Variants in NCAM2 observed in about 807,000 individuals in gnomAD.
NCAM2 encodes the protein neural cell adhesion molecule 2.
A neutral mutation model predicts 98.1 loss-of-function variants in NCAM2; 30 were observed. That is an observed-to-expected ratio of 0.31 (90% confidence interval 0.23 to 0.41). NCAM2 has a LOEUF of 0.41. NCAM2 is among the 10% of genes least tolerant of loss of function. The pLI is 1.00. For synonymous variants in NCAM2, 368 were observed against 342.4 expected (o/e 1.07, Z -0.83); for missense variants, 867 against 1,005.8 (o/e 0.86, Z 1.87).
chr21:21,371,793 G>T (rs558974288), intron 8 of NCAM2, among the ~76,000 whole-genome samples: 2 of 151,540 alleles, frequency 1.3e-5, no homozygotes, highest in East Asian at 3.9e-4. Context: ...TGCCACCAAG[G>T]GTAGAAACTA....
chr21:21,240,475 G>C (rs1003483418), intron 1 of NCAM2, among the ~76,000 whole-genome samples: 1 of 152,054 alleles, frequency 6.6e-6, no homozygotes, highest in Non-Finnish European at 1.5e-5. Flanking sequence ...CAAAGGGAAG[G>C]CTACGTCAGT....
At chr21:21,403,854 T>G (rs1265893647) in intron 9 of NCAM2, among the ~76,000 whole-genome samples, 2 of 152,194 alleles carry the variant, frequency 1.3e-5, no homozygotes, top group East Asian at 3.8e-4. Context: ...TGATTAATTC[T>G]AAACAAGTTA....
At chr21:21,527,855 C>A (rs1397276371) in intron 16 of NCAM2, among the ~76,000 whole-genome samples, 1 of 152,170 alleles carries the variant, frequency 6.6e-6, no homozygotes, top group African/African-American at 2.4e-5. Context: ...AGTATTTACC[C>A]AAAGAAGTTG....
chr21:21,448,273 C>G (rs1417654460), intron 12 of NCAM2, among the ~76,000 whole-genome samples: 2 of 151,970 alleles, frequency 1.3e-5, no homozygotes, highest in Non-Finnish European at 2.9e-5. Flanking sequence ...AATCCATCAT[C>G]CTCAGCAACT....
intron 8 of NCAM2, among the ~76,000 whole-genome samples, chr21:21,341,535 C>T (rs531542075): frequency 6.6e-6 from 1 of 152,152 alleles, no homozygotes; most frequent in Admixed American, 6.6e-5. Flanking sequence ...TTCCATTATG[C>T]ATGTATCAGT....
At chr21:21,100,139 G>A (rs564589755) in intron 1 of NCAM2, among the ~76,000 whole-genome samples, 40 of 151,890 alleles carry the variant, frequency 2.6e-4, no homozygotes, top group African/African-American at 8.7e-4. Flanking sequence ...TTCAAAATTC[G>A]TGGCAGAAAC....
rs74893467 is a variant in NCAM2, at chr21:21,339,913, A to G, written c.1044+1379A>G. On this transcript the variant is annotated intron_variant, in intron 8 of 17. Transcript: ENST00000400546. ...TTTGATAATTGTACTATTTTGATATACTTATTTTATATATTCAAGTTGAAA... is the reference window on the plus strand; with the variant it reads ...TTTGATAATTGTACTATTTTGATATGCTTATTTTATATATTCAAGTTGAAA... Among the ~76,000 whole-genome samples, 115 of 151,920 alleles carry G rather than the reference A, an allele frequency of 7.6e-4. No homozygotes were observed. The East Asian group carries it at 0.02, about 26-fold the overall frequency.
At position 21,439,456 on chromosome 21, in the gene NCAM2, T is replaced by A. The variant is rs574247417; in HGVS notation, c.1654+7175T>A. Among the ~76,000 whole-genome samples the A allele has an allele frequency of 2.1e-3, 321 of 152,310 alleles. 3 individuals carry two copies. The highest frequency in any genetic ancestry group is 7.4e-3 in the African/African-American group (309 of 41,578). Reference sequence around the variant, plus strand: ...CAGGTTTAATTTTAGCAAAAGTTTTTATTTTAATAGAAATCTGGAGGAAAA... The same window carrying A: ...CAGGTTTAATTTTAGCAAAAGTTTTAATTTTAATAGAAATCTGGAGGAAAA... On this transcript the variant is annotated intron_variant, in intron 12 of 17. Coordinates refer to ENST00000400546, the MANE Select transcript of NCAM2 (RefSeq NM_004540.5).
chr21:21,447,805 A>T (rs1321769902), intron 12 of NCAM2, among the ~76,000 whole-genome samples: 2 of 152,140 alleles, frequency 1.3e-5, no homozygotes, highest in African/African-American at 4.8e-5. Context: ...GCTTAACATC[A>T]CTGATCATTA....
rs11461275 is a variant in NCAM2, at chr21:21,017,424, C to CAAAAAA, written c.55+18825_55+18830dup. Among the ~76,000 whole-genome samples, 95 of 58,686 alleles carry CAAAAAA rather than the reference C, an allele frequency of 1.6e-3. 3 individuals carry two copies. The highest frequency in any genetic ancestry group is 2.9e-3 in the Admixed American group (8 of 2,760). The allele number at this position is 58,686 out of a possible 152,430, so 38.5% of individuals were successfully genotyped here. On this transcript the variant is annotated intron_variant, in intron 1 of 17. Transcript: ENST00000400546. Reference sequence around the variant, plus strand: ...CTGGCAACAGAGTGAGACTCTGTCTCAAAAAAAAAAAAAAAAAAAAAAAAG... The same window carrying CAAAAAA: ...CTGGCAACAGAGTGAGACTCTGTCTCAAAAAAAAAAAAAAAAAAAAAAAAAAAAAAG...
rs1243535111 is a variant in NCAM2, at chr21:21,538,708, T to C, written c.*751T>C. 2 of 152,098 alleles carry C rather than the reference T, an allele frequency of 1.3e-5. No homozygotes were observed. The highest frequency in any genetic ancestry group is 2.9e-5 in the Non-Finnish European group (2 of 67,986). The allele number at this position is 152,098 out of a possible 1,614,324, so 9.4% of individuals were successfully genotyped here. A position where few individuals can be genotyped will look rare whatever the true frequency, so the allele number is the denominator to read the frequency against. ...AATGGATTATACAAAAAAAAGTGTA[T>C]TGCAAGTGAAATAATATTGATTTCT... On this transcript the variant is annotated 3_prime_UTR_variant, in exon 18 of 18. Coordinates refer to ENST00000400546, the MANE Select transcript of NCAM2 (RefSeq NM_004540.5).
At chr21:21,071,464 T>C (rs904164905) in intron 1 of NCAM2, among the ~76,000 whole-genome samples, 1 of 152,040 alleles carries the variant, frequency 6.6e-6, no homozygotes, top group Non-Finnish European at 1.5e-5. Context: ...AGTGCAGAGC[T>C]CAAGCTAAAA....
At chr21:21,537,729 T>C (rs1569146777) in intron 17 of NCAM2, 117 bp from the exon 18 acceptor site, 2 of 477,408 alleles carry the variant, frequency 4.2e-6, no homozygotes, top group African/African-American at 2.0e-5. Flanking sequence ...ATTTAGCATA[T>C]ATAAAATGTT....
At chr21:21,410,733 G>A (rs908635301) in intron 10 of NCAM2, among the ~76,000 whole-genome samples, 1 of 151,502 alleles carries the variant, frequency 6.6e-6, no homozygotes, top group Non-Finnish European at 1.5e-5. Context: ...ATATGGCCGG[G>A]CGCAGTGGCT....
intron 1 of NCAM2, among the ~76,000 whole-genome samples, chr21:21,006,135 GTGTT>G (rs2146117292): frequency 6.6e-6 from 1 of 152,222 alleles, no homozygotes; most frequent in Non-Finnish European, 1.5e-5. Context: ...TTTTGCTACA[GTGTT>G]TGTTTCTTGG....
chr21:21,445,963 C>T (rs1431371704), intron 12 of NCAM2, among the ~76,000 whole-genome samples: 5 of 152,236 alleles, frequency 3.3e-5, no homozygotes, highest in African/African-American at 9.6e-5. Context: ...TTTGCAGTGG[C>T]TGGTACCAGT....
At chr21:21,445,526 A>T (rs890987760) in intron 12 of NCAM2, among the ~76,000 whole-genome samples, 1 of 151,976 alleles carries the variant, frequency 6.6e-6, no homozygotes, top group African/African-American at 2.4e-5. Flanking sequence ...CCTGTATTGG[A>T]TGCATATATA....
At chr21:21,057,882 G>A (rs1174279595) in intron 1 of NCAM2, among the ~76,000 whole-genome samples, 2 of 151,758 alleles carry the variant, frequency 1.3e-5, no homozygotes, top group South Asian at 2.1e-4. Flanking sequence ...TATCCCTCAC[G>A]TTAACTTTCC....
intron 1 of NCAM2, among the ~76,000 whole-genome samples, chr21:21,210,978 A>ACACACACACACACACT (rs2069637131): frequency 2.1e-4 from 3 of 13,966 alleles, no homozygotes; most frequent in African/African-American, 2.6e-4. Flanking sequence ...ACACACACAC[A>ACACACACACACACACT]CACACACACA....
Sources: allele counts gnomAD v4.1 joint callset (sites outside exome capture counted in the v4.1 genomes callset), GRCh38; gene constraint gnomAD v4.1.1; transcripts MANE v1.5; gene names NCBI Gene and HGNC (gene_info 2026-07-23, HGNC 2026-07-21).